ROBO1: variants seen among roughly 807,000 people sequenced by gnomAD.
The protein encoded by ROBO1 is roundabout homolog 1.
ROBO1 carries 149 observed loss-of-function variants against 195.9 expected under a neutral mutation model. The observed-to-expected ratio is 0.76, with a 90% confidence interval of 0.67 to 0.87. The LOEUF is 0.87. Among genes scored for constraint, ROBO1 ranks in the 40% least tolerant of loss-of-function variants. The pLI, the probability that ROBO1 is intolerant of heterozygous loss-of-function variation, is 0.00. For missense variants in ROBO1, 1,933 were observed against 2,068.3 expected (o/e 0.93, Z 1.27); for synonymous variants, 816 against 733.2 (o/e 1.11, Z -1.82).
At chr3:79,379,731 A>G (rs970415319) in intron 2 of ROBO1, among the ~76,000 whole-genome samples, 1 of 152,202 alleles carries the variant, frequency 6.6e-6, no homozygotes, top group Non-Finnish European at 1.5e-5. Flanking sequence ...CATAGAAATT[A>G]ATGCCATTTA....
At chr3:78,978,456 T>C (rs1290288394) in intron 3 of ROBO1, among the ~76,000 whole-genome samples, 1 of 152,136 alleles carries the variant, frequency 6.6e-6, no homozygotes, top group Non-Finnish European at 1.5e-5. Context: ...ACAGGCACTT[T>C]GGGAGTCCTT....
chr3:78,673,982 A>C (rs967861470), intron 10 of ROBO1, among the ~76,000 whole-genome samples: 1 of 152,132 alleles, frequency 6.6e-6, no homozygotes, highest in African/African-American at 2.4e-5. Flanking sequence ...AAACTCTAGA[A>C]GTTCAAGTGA....
chr3:78,773,214 A>C (rs2083421916), intron 4 of ROBO1, among the ~76,000 whole-genome samples: 1 of 152,110 alleles, frequency 6.6e-6, no homozygotes, highest in African/African-American at 2.4e-5. Flanking sequence ...TTGGAGAGAA[A>C]ACAAAGAGAT....
intron 1 of ROBO1, among the ~76,000 whole-genome samples, chr3:79,633,353 CTTTTTTT>C (rs58016604): frequency 1.7e-5 from 2 of 119,900 alleles, no homozygotes; most frequent in Admixed American, 9.4e-5. Flanking sequence ...TTTTGCATTT[CTTTTTTT>C]TTTTTTTTTT....
intron 2 of ROBO1, among the ~76,000 whole-genome samples, chr3:79,379,534 A>G (rs1001638945): frequency 1.3e-5 from 2 of 152,204 alleles, no homozygotes; most frequent in Admixed American, 1.3e-4. Context: ...AAGATACTTC[A>G]ATTGGATCAC....
chr3:79,315,599 C>A (rs2033695380), intron 2 of ROBO1, among the ~76,000 whole-genome samples: 1 of 152,094 alleles, frequency 6.6e-6, no homozygotes. Context: ...ATGTATTTGC[C>A]TCAGTGACAG....
At chr3:79,568,221 T>C (rs959854657) in intron 2 of ROBO1, among the ~76,000 whole-genome samples, 2 of 152,106 alleles carry the variant, frequency 1.3e-5, no homozygotes, top group African/African-American at 4.8e-5. Context: ...GTGCTAAAAA[T>C]TGAAGCAAAG....
intron 4 of ROBO1, among the ~76,000 whole-genome samples, chr3:78,775,285 T>C (rs1398785957): frequency 6.6e-6 from 1 of 152,144 alleles, no homozygotes; most frequent in Non-Finnish European, 1.5e-5. Flanking sequence ...ATTGTTAGGG[T>C]AGAAAATTGC....
rs760608935 is a variant in ROBO1 at position 78,659,839 on chromosome 3, GAATGT to G, written c.2321-37_2321-33del. Reference sequence around the variant, plus strand: ...AATTGTTTTAAAAGGTAGGTTATTAGAATGTGCTAGAGAACACTGAAAGCAGGTAA... The same window carrying G: ...AATTGTTTTAAAAGGTAGGTTATTAGGCTAGAGAACACTGAAAGCAGGTAA... On this transcript the variant is annotated intron_variant, in intron 16 of 30. Coordinates refer to ENST00000464233, the MANE Select transcript of ROBO1 (RefSeq NM_002941.4). 5 of 1,571,620 alleles carry G rather than the reference GAATGT, an allele frequency of 3.2e-6. No individual in the cohort carries two copies. The South Asian group carries it at 3.5e-5, about 11-fold the overall frequency.
intron 2 of ROBO1, among the ~76,000 whole-genome samples, chr3:79,473,304 T>G (rs1648514063): frequency 6.6e-6 from 1 of 152,072 alleles, no homozygotes; most frequent in African/African-American, 2.4e-5. Context: ...TGCGAAGGGT[T>G]GCCAGCAGCC....
At chr3:78,905,660 C>T (rs1229473589) in intron 4 of ROBO1, among the ~76,000 whole-genome samples, 1 of 151,982 alleles carries the variant, frequency 6.6e-6, no homozygotes, top group East Asian at 1.9e-4. Context: ...ACTAAACAAA[C>T]TGATAGATGA....
At chr3:78,657,013 G>A (rs903888812) in intron 18 of ROBO1, 85 bp downstream of exon 18, 1 of 1,264,408 alleles carries the variant, frequency 7.9e-7, no homozygotes, top group African/African-American at 1.5e-5. Context: ...TAGCAATGGT[G>A]GGTGGCTCAG....
At chr3:79,513,265 G>T in intron 2 of ROBO1, among the ~76,000 whole-genome samples, 1 of 152,078 alleles carries the variant, frequency 6.6e-6, no homozygotes, top group East Asian at 1.9e-4. Context: ...TTCTATCATA[G>T]AAAACTAGTA....
intron 4 of ROBO1, chr3:78,759,021 A>G (rs1433997232): frequency 6.6e-6 from 1 of 152,230 alleles, no homozygotes; most frequent in Non-Finnish European, 1.5e-5. Context: ...ATGGACACTA[A>G]CACTGCTTTG....
chr3:79,389,992 A>G (rs578117727), intron 2 of ROBO1, among the ~76,000 whole-genome samples: 279 of 152,102 alleles, frequency 1.8e-3, no homozygotes, highest in African/African-American at 5.7e-3. Flanking sequence ...GATTAGGATG[A>G]TAATAATGAT....
chr3:79,712,566 T>A (rs1485481587), intron 1 of ROBO1, among the ~76,000 whole-genome samples: 2 of 152,106 alleles, frequency 1.3e-5, no homozygotes, highest in Non-Finnish European at 2.9e-5. Flanking sequence ...AAGTGCAAGG[T>A]GAAGCAGCTA....
At chr3:79,430,067 A>G (rs893554208) in intron 2 of ROBO1, among the ~76,000 whole-genome samples, 4 of 151,922 alleles carry the variant, frequency 2.6e-5, no homozygotes, top group Non-Finnish European at 4.4e-5. Context: ...TTATGATACA[A>G]TTTTAAAATT....
At chr3:79,546,554 G>A (rs1942271900) in intron 2 of ROBO1, among the ~76,000 whole-genome samples, 2 of 152,182 alleles carry the variant, frequency 1.3e-5, no homozygotes, top group African/African-American at 4.8e-5. Flanking sequence ...AAGCCCTGCT[G>A]CTGTATAGGA....
chr3:79,657,702 G>C (rs139490543), intron 1 of ROBO1, among the ~76,000 whole-genome samples: 1 of 152,138 alleles, frequency 6.6e-6, no homozygotes, highest in South Asian at 2.1e-4. Flanking sequence ...ATATAACTGA[G>C]AGATACTCTT....
Sources: allele counts gnomAD v4.1 joint callset (sites outside exome capture counted in the v4.1 genomes callset), GRCh38; gene constraint gnomAD v4.1.1; transcripts MANE v1.5; gene names NCBI Gene and HGNC (gene_info 2026-07-23, HGNC 2026-07-21).